TMEM74: variants seen among roughly 807,000 people sequenced by gnomAD.
The protein encoded by TMEM74 is transmembrane protein 74.
In TMEM74, 13 loss-of-function variants were observed where a neutral mutation model predicts 18.1. The observed-to-expected ratio is 0.72, with a 90% CI of 0.47 to 1.14. The LOEUF is 1.14. TMEM74 is among the 50% of genes most tolerant of loss of function. The probability of loss-of-function intolerance (pLI) is 0.00; values close to 1 mark genes in which losing one functional copy is unlikely to be tolerated. For synonymous variants in TMEM74, 159 were observed against 146.6 expected, an observed-to-expected ratio of 1.08 and a Z score of -0.61; for missense variants, 372 against 375.9, an observed-to-expected ratio of 0.99 and a Z score of 0.09.
intron 2 of TMEM74, among the ~76,000 whole-genome samples, chr8:108,633,533 T>C (rs1235545387): frequency 6.6e-6 from 1 of 152,048 alleles, no homozygotes; most frequent in African/African-American, 2.4e-5. Flanking sequence ...TATAACATTA[T>C]CCTTTTTCAC....
intron 2 of TMEM74, among the ~76,000 whole-genome samples, chr8:108,629,399 GA>G (rs1563735830): frequency 2.0e-5 from 3 of 152,038 alleles, no homozygotes; most frequent in Non-Finnish European, 4.4e-5. Context: ...AACCAAGTTG[GA>G]AAACACACTT....
intron 1 of TMEM74, among the ~76,000 whole-genome samples, chr8:108,731,362 T>C (rs1480340873): frequency 6.6e-6 from 1 of 152,170 alleles, no homozygotes; most frequent in Admixed American, 6.5e-5. Context: ...TCTCAATACT[T>C]GGAAACTCAG....
chr8:108,619,874 T>C (rs1156276264), intron 2 of TMEM74, among the ~76,000 whole-genome samples: 14 of 152,316 alleles, frequency 9.2e-5, no homozygotes, highest in Admixed American at 3.9e-4. Context: ...CATAACTCTT[T>C]GTGGGAGAAA....
At chr8:108,631,099 A>C (rs895920755) in intron 2 of TMEM74, among the ~76,000 whole-genome samples, 1 of 152,050 alleles carries the variant, frequency 6.6e-6, no homozygotes. Context: ...TGGGAAGAAC[A>C]CTACATGGAG....
intron 2 of TMEM74, among the ~76,000 whole-genome samples, chr8:108,653,504 T>C (rs1812793797): frequency 6.6e-6 from 1 of 152,194 alleles, no homozygotes; most frequent in South Asian, 2.1e-4. Context: ...TCACAGGATG[T>C]ACTTGTATTT....
intron 1 of TMEM74, among the ~76,000 whole-genome samples, chr8:108,655,977 C>T (rs1193341548): frequency 1.3e-5 from 2 of 152,172 alleles, no homozygotes; most frequent in Non-Finnish European, 2.9e-5. Context: ...CACAGTGGCT[C>T]ATGCCTATAA....
At chr8:108,683,143 T>C (rs190887118) in intron 1 of TMEM74, among the ~76,000 whole-genome samples, 20 of 151,922 alleles carry the variant, frequency 1.3e-4, no homozygotes, top group Admixed American at 1.2e-3. Flanking sequence ...TAAATAACCA[T>C]ACTGAAGGTC....
At chr8:108,614,146 T>G (rs925596806) in intron 2 of TMEM74, among the ~76,000 whole-genome samples, 1 of 151,968 alleles carries the variant, frequency 6.6e-6, no homozygotes, top group Non-Finnish European at 1.5e-5. Context: ...TGCAATGTTA[T>G]AGACTGTCAG....
At chr8:108,622,837 C>A (rs937024987) in intron 2 of TMEM74, among the ~76,000 whole-genome samples, 2 of 152,044 alleles carry the variant, frequency 1.3e-5, no homozygotes, top group South Asian at 2.1e-4. Flanking sequence ...AATTAAAATT[C>A]TTTTCCCCTT....
At chr8:108,644,786 C>CA (rs1287612217) in intron 2 of TMEM74, among the ~76,000 whole-genome samples, 1 of 152,056 alleles carries the variant, frequency 6.6e-6, no homozygotes, top group Non-Finnish European at 1.5e-5. Context: ...AAATGTAAGT[C>CA]AAAACCACCA....
At chr8:108,750,508 T>C (rs1356060835) in intron 1 of TMEM74, among the ~76,000 whole-genome samples, 2 of 152,198 alleles carry the variant, frequency 1.3e-5, no homozygotes, top group East Asian at 1.9e-4. Flanking sequence ...GTTATGACAT[T>C]GTCTCTCTAA....
intron 1 of TMEM74, among the ~76,000 whole-genome samples, chr8:108,657,150 G>A (rs758302057): frequency 3.9e-5 from 6 of 152,000 alleles, no homozygotes; most frequent in Non-Finnish European, 8.8e-5. Flanking sequence ...GTCATTCCAG[G>A]TTAGAGGGAG....
chr8:108,686,703 A>C (rs189415073), intron 1 of TMEM74, among the ~76,000 whole-genome samples: 1 of 151,908 alleles, frequency 6.6e-6, no homozygotes, highest in Non-Finnish European at 1.5e-5. Flanking sequence ...AGAAAACTTC[A>C]CCTTGGCCCT....
intron 1 of TMEM74, among the ~76,000 whole-genome samples, chr8:108,729,553 T>C (rs1482641145): frequency 6.6e-6 from 1 of 152,218 alleles, no homozygotes; most frequent in African/African-American, 2.4e-5. Flanking sequence ...TATCAGAATA[T>C]TTAATCTAAA....
At chr8:108,659,329 G>T (rs1812877854) in intron 1 of TMEM74, among the ~76,000 whole-genome samples, 1 of 151,504 alleles carries the variant, frequency 6.6e-6, no homozygotes, top group Non-Finnish European at 1.5e-5. Context: ...TCTAAGGCAA[G>T]TGCTGACTCC....
At chr8:108,607,960 T>C (rs1586231645) in intron 3 of TMEM74, among the ~76,000 whole-genome samples, 1 of 152,156 alleles carries the variant, frequency 6.6e-6, no homozygotes, top group South Asian at 2.1e-4. Flanking sequence ...TGTCTATGCA[T>C]GTATTTTTGT....
At chr8:108,756,765 G>GAGGT (rs1813979470) in intron 1 of TMEM74, among the ~76,000 whole-genome samples, 1 of 104,490 alleles carries the variant, frequency 9.6e-6, no homozygotes, top group African/African-American at 3.8e-5. Flanking sequence ...GGGAGGGAGG[G>GAGGT]AGGGGAGGGG....
At chr8:108,743,200 G>T (rs1813818665) in intron 1 of TMEM74, among the ~76,000 whole-genome samples, 1 of 152,164 alleles carries the variant, frequency 6.6e-6, no homozygotes, top group Admixed American at 6.5e-5. Context: ...CAAAAAACCT[G>T]ATGTTGTTTA....
chr8:108,743,899 G>A (rs1401433285), intron 1 of TMEM74, among the ~76,000 whole-genome samples: 1 of 152,094 alleles, frequency 6.6e-6, no homozygotes, highest in African/African-American at 2.4e-5. Context: ...AAAATGTGGG[G>A]GAAGATGTGA....
Sources: gnomAD v4.1 joint callset for allele counts (sites outside exome capture counted in the v4.1 genomes callset) on GRCh38, gnomAD v4.1.1 for gene constraint, MANE v1.5 for transcripts, NCBI Gene and HGNC (gene_info 2026-07-23, HGNC 2026-07-21) for gene names.